TENM1: variants seen among roughly 807,000 people sequenced by gnomAD.
TENM1 encodes teneurin-1.
A neutral mutation model predicts 174.8 loss-of-function variants in TENM1; 35 were observed. That is an observed-to-expected ratio of 0.20 (90% CI 0.15 to 0.27). The LOEUF (loss-of-function observed/expected upper bound fraction) is 0.27, where lower values mean the gene tolerates loss of function less well. Among genes scored for constraint, TENM1 ranks in the 10% least tolerant of loss-of-function variants. The probability of loss-of-function intolerance (pLI) is 1.00; values close to 1 mark genes in which losing one functional copy is unlikely to be tolerated. For missense variants in TENM1, 1,633 were observed against 2,130.1 expected, an observed-to-expected ratio of 0.77 and a Z score of 4.59; for synonymous variants, 781 against 798.7, an observed-to-expected ratio of 0.98 and a Z score of 0.37.
chrX:124,693,650 C>G (rs937222519), intron 5 of TENM1, among the ~76,000 whole-genome samples: 5 of 111,453 alleles, frequency 4.5e-5, no homozygotes, highest in African/African-American at 1.6e-4. Context: ...GAGTTTTAAA[C>G]TTTATCATTT....
At chrX:124,593,624 C>T (rs1048755947) in intron 11 of TENM1, among the ~76,000 whole-genome samples, 1 of 111,763 alleles carries the variant, frequency 8.9e-6, no homozygotes, top group African/African-American at 3.3e-5. Context: ...GCTCAGGCTT[C>T]TGGTCCAAGT....
chrX:125,169,468 C>T, the TENM1 span, among the ~76,000 whole-genome samples: 1 of 111,543 alleles, frequency 9.0e-6, no homozygotes, highest in Non-Finnish European at 1.9e-5. Flanking sequence ...TAATTTTCTT[C>T]TTTCTTAATT....
the TENM1 span, among the ~76,000 whole-genome samples, chrX:125,066,849 G>T: frequency 1.8e-5 from 2 of 111,182 alleles, no homozygotes. Flanking sequence ...TGCTTCACAC[G>T]TTGCCTTGTT....
At chrX:125,169,813 G>T in the TENM1 span, among the ~76,000 whole-genome samples, 1 of 108,881 alleles carries the variant, frequency 9.2e-6, no homozygotes, top group Non-Finnish European at 1.9e-5. Context: ...GCCTGGCTTG[G>T]TCTATTCATT....
intron 1 of TENM1, among the ~76,000 whole-genome samples, chrX:124,952,617 T>C (rs1282487324): frequency 2.7e-5 from 3 of 111,565 alleles, no homozygotes; most frequent in Admixed American, 1.9e-4. Context: ...CAACCATTAA[T>C]GAGAAGACAT....
At chrX:124,993,088 C>T in the TENM1 span, among the ~76,000 whole-genome samples, 4 of 110,610 alleles carry the variant, frequency 3.6e-5, no homozygotes, top group African/African-American at 6.6e-5. Flanking sequence ...CAACCATCTC[C>T]GGTTAGAGTG....
chrX:124,569,283 GA>G (rs1190035427), intron 11 of TENM1, among the ~76,000 whole-genome samples: 1 of 110,602 alleles, frequency 9.0e-6, no homozygotes, highest in Non-Finnish European at 1.9e-5. Flanking sequence ...AGAAGAAAGG[GA>G]AAAGGACAAA....
chrX:124,700,572 A>G (rs2052752761), intron 5 of TENM1, among the ~76,000 whole-genome samples: 1 of 111,680 alleles, frequency 9.0e-6, no homozygotes. Flanking sequence ...AAGATTAATG[A>G]AGTTGCTAGC....
At chrX:125,051,008 T>C in the TENM1 span, among the ~76,000 whole-genome samples, 1 of 111,974 alleles carries the variant, frequency 8.9e-6, no homozygotes. Flanking sequence ...AGTCTCAGGA[T>C]ACAAAATCAA....
chrX:125,062,232 C>A, the TENM1 span, among the ~76,000 whole-genome samples: 57 of 111,597 alleles, frequency 5.1e-4, no homozygotes, highest in Non-Finnish European at 8.1e-4. Flanking sequence ...TATTATAACA[C>A]TTTTGTTGTT....
At chrX:124,652,560 C>T (rs2051335984) in intron 7 of TENM1, among the ~76,000 whole-genome samples, 1 of 111,696 alleles carries the variant, frequency 9.0e-6, no homozygotes, top group Admixed American at 9.6e-5. Flanking sequence ...TAGTATTATG[C>T]AGGAGAATCT....
intron 3 of TENM1, among the ~76,000 whole-genome samples, chrX:124,879,200 T>C (rs2057261584): frequency 8.9e-6 from 1 of 111,789 alleles, no homozygotes; most frequent in Non-Finnish European, 1.9e-5. Context: ...CATCCTACTC[T>C]GCTATTGAAC....
At chrX:124,572,262 G>GA (rs2049071819) in intron 11 of TENM1, among the ~76,000 whole-genome samples, 1 of 111,787 alleles carries the variant, frequency 8.9e-6, no homozygotes, top group African/African-American at 3.2e-5. Flanking sequence ...TTTAACTTTA[G>GA]AAAAATCTAT....
chrX:124,838,328 A>C (rs1209755791), intron 3 of TENM1, among the ~76,000 whole-genome samples: 1 of 112,150 alleles, frequency 8.9e-6, no homozygotes, highest in Non-Finnish European at 1.9e-5. Flanking sequence ...ATTTACAGAA[A>C]CTATCTGACT....
Position 124,745,751 on chromosome X carries a change from C to T in TENM1, c.536-8554G>A, listed in dbSNP as rs190738994. ...GACTTGCTTATCTTTCCCCTCTGAACGACAACAACAAAAAGGAAATAGGAA... is the reference window on the plus strand; with the variant it reads ...GACTTGCTTATCTTTCCCCTCTGAATGACAACAACAAAAAGGAAATAGGAA... On this transcript the variant is annotated intron_variant, in intron 3 of 31. Coordinates refer to ENST00000422452, the Ensembl canonical transcript of TENM1. Among the ~76,000 whole-genome samples the T allele has an allele frequency of 9.0e-5, 10 of 110,978 alleles. No individual in the cohort carries two copies. The East Asian group carries it at 2.0e-3, about 22-fold the overall frequency.
the TENM1 span, among the ~76,000 whole-genome samples, chrX:125,182,002 A>C: frequency 1.8e-5 from 2 of 111,820 alleles, no homozygotes; most frequent in East Asian, 5.7e-4. Context: ...AATTGACAGC[A>C]TAAAACAACA....
chrX:124,923,535 A>C (rs1052941037), intron 1 of TENM1, among the ~76,000 whole-genome samples: 1 of 112,149 alleles, frequency 8.9e-6, no homozygotes, highest in Non-Finnish European at 1.9e-5. Flanking sequence ...GCCTAAAGAC[A>C]TCCATATTCT....
intron 3 of TENM1, among the ~76,000 whole-genome samples, chrX:124,749,401 G>A (rs964370417): frequency 1.8e-5 from 2 of 112,191 alleles, no homozygotes; most frequent in African/African-American, 6.5e-5. Context: ...AGCAAAGGAT[G>A]TGAAGAAGAG....
At chrX:124,802,445 C>T (rs749431474) in intron 3 of TENM1, among the ~76,000 whole-genome samples, 13 of 111,488 alleles carry the variant, frequency 1.2e-4, no homozygotes, top group Admixed American at 1.9e-4. Context: ...AGATGTCACT[C>T]GAGGAGGCTG....
Sources: gnomAD v4.1 joint callset for allele counts (sites outside exome capture counted in the v4.1 genomes callset) on GRCh38, gnomAD v4.1.1 for gene constraint, MANE v1.5 for transcripts, NCBI Gene and HGNC (gene_info 2026-07-23, HGNC 2026-07-21) for gene names.